The following ACOXL variants were observed in gnomAD, a reference collection of about 807,000 sequenced individuals.
ACOXL encodes acyl-coenzyme A oxidase-like protein.
ACOXL carries 70 observed loss-of-function variants against 71.9 expected under a neutral mutation model. The observed-to-expected ratio is 0.97, with a 90% CI of 0.80 to 1.19. ACOXL has a LOEUF of 1.19. ACOXL is among the 50% of genes most tolerant of loss of function. The probability of loss-of-function intolerance (pLI) is 0.00; values close to 1 mark genes in which losing one functional copy is unlikely to be tolerated. For missense variants in ACOXL, 703 were observed against 736.3 expected (o/e 0.95, Z 0.52); for synonymous variants, 253 against 281.6 (o/e 0.90, Z 1.02).
chr2:110,969,005 C>G (rs1368412003), intron 12 of ACOXL, among the ~76,000 whole-genome samples: 2 of 151,990 alleles, frequency 1.3e-5, no homozygotes, highest in Non-Finnish European at 2.9e-5. Context: ...AATGAGAAAT[C>G]AAGAGCAGAA....
At chr2:110,800,938 C>G (rs899561978) in intron 7 of ACOXL, among the ~76,000 whole-genome samples, 6 of 152,154 alleles carry the variant, frequency 3.9e-5, no homozygotes, top group African/African-American at 1.4e-4. Context: ...TGCTCTGGTG[C>G]CCTTGTAAGC....
intron 10 of ACOXL, among the ~76,000 whole-genome samples, chr2:110,890,362 G>A (rs1697797211): frequency 6.6e-6 from 1 of 152,068 alleles, no homozygotes; most frequent in African/African-American, 2.4e-5. Context: ...TTTGCTTTTG[G>A]TATCATACCT....
intron 15 of ACOXL, among the ~76,000 whole-genome samples, chr2:111,033,156 A>G (rs1309354068): frequency 6.6e-6 from 1 of 152,182 alleles, no homozygotes; most frequent in Non-Finnish European, 1.5e-5. Context: ...ATTCTGACTG[A>G]GTTCCACTTT....
chr2:110,750,586 TAC>T (rs1329516389), intron 1 of ACOXL, among the ~76,000 whole-genome samples: 1 of 148,818 alleles, frequency 6.7e-6, no homozygotes. Flanking sequence ...TACATATATA[TAC>T]ATTACATATT....
intron 12 of ACOXL, among the ~76,000 whole-genome samples, chr2:110,975,150 A>G (rs1457266878): frequency 2.0e-5 from 3 of 152,228 alleles, no homozygotes; most frequent in Non-Finnish European, 4.4e-5. Context: ...TTACTATAAG[A>G]AAGCTGATTC....
chr2:111,003,579 A>AAAAAAT (rs1292631397), intron 14 of ACOXL, among the ~76,000 whole-genome samples: 47 of 146,868 alleles, frequency 3.2e-4, no homozygotes, highest in Admixed American at 1.1e-3. Context: ...AAAAAAAAAA[A>AAAAAAT]GAATCACAGA....
intron 9 of ACOXL, among the ~76,000 whole-genome samples, chr2:110,827,630 T>C (rs535730585): frequency 1.3e-5 from 2 of 152,286 alleles, no homozygotes; most frequent in South Asian, 2.1e-4. Context: ...AAGCTCTTGC[T>C]GAACTTCCTG....
intron 5 of ACOXL, among the ~76,000 whole-genome samples, chr2:110,798,258 C>CTTT (rs112847463): frequency 7.2e-6 from 1 of 137,970 alleles, no homozygotes; most frequent in African/African-American, 2.7e-5. Flanking sequence ...GTATTCATTG[C>CTTT]TTTTTTTTTT....
chr2:110,820,244 C>A (rs944741896), intron 9 of ACOXL, among the ~76,000 whole-genome samples: 1 of 151,978 alleles, frequency 6.6e-6, no homozygotes, highest in Non-Finnish European at 1.5e-5. Flanking sequence ...GTGGGAGGAA[C>A]AACAGGAGCA....
At chr2:110,882,087 C>T (rs907872026) in intron 10 of ACOXL, among the ~76,000 whole-genome samples, 12 of 152,144 alleles carry the variant, frequency 7.9e-5, no homozygotes, top group Non-Finnish European at 1.3e-4. Flanking sequence ...TTCCCGACAG[C>T]GGCGTATGAG....
At chr2:110,979,242 G>A (rs563684438) in intron 12 of ACOXL, among the ~76,000 whole-genome samples, 1 of 152,296 alleles carries the variant, frequency 6.6e-6, no homozygotes, top group East Asian at 1.9e-4. Context: ...CCATAAGAAC[G>A]CCAACCATGC....
chr2:110,836,255 A>T (rs1690450330), intron 9 of ACOXL, among the ~76,000 whole-genome samples: 1 of 152,202 alleles, frequency 6.6e-6, no homozygotes, highest in South Asian at 2.1e-4. Context: ...GAGCGGTGCT[A>T]GAAGGAGACC....
In ACOXL at chr2:110,798,711, T is replaced by C; in HGVS notation, c.447T>C (p.Asp149=). 6.2e-7 allele frequency: 1 copy of C among 1,614,060 alleles called. No individual in the cohort carries two copies. Among genetic ancestry groups the C allele is most frequent in the Non-Finnish European group, 8.5e-7 (1 of 1,179,904 alleles). ...YAAVFAQLII[D]GRSQGPHCFI... ...CTGTCTTTGCCCAGCTCATCATAGA[T>C]GGAAGATCTCAAGGTTTGTTACCAA... Residue 149 remains aspartate (D), a synonymous_variant, in exon 6 of 18, where the codon GAT becomes GAC. Transcript: ENST00000439055.
intron 12 of ACOXL, among the ~76,000 whole-genome samples, chr2:110,985,634 A>G (rs1043627206): frequency 1.8e-4 from 28 of 152,152 alleles, no homozygotes; most frequent in Admixed American, 1.4e-3. Context: ...GGGGATGGGA[A>G]AGGAGAGGCG....
chr2:110,750,055 G>A (rs1198848931), intron 1 of ACOXL, among the ~76,000 whole-genome samples: 6 of 152,162 alleles, frequency 3.9e-5, no homozygotes, highest in Admixed American at 3.9e-4. Flanking sequence ...ACATTCCATC[G>A]ACATGGCTTA....
chr2:110,748,178 C>T (rs1436465488), intron 1 of ACOXL, among the ~76,000 whole-genome samples: 1 of 152,192 alleles, frequency 6.6e-6, no homozygotes, highest in East Asian at 1.9e-4. Flanking sequence ...AGAGTCTGAG[C>T]TCTCTGAGGA....
intron 16 of ACOXL, among the ~76,000 whole-genome samples, chr2:111,061,618 T>A (rs1302111441): frequency 6.6e-6 from 1 of 152,162 alleles, no homozygotes; most frequent in Non-Finnish European, 1.5e-5. Flanking sequence ...TCCTTTTGAA[T>A]TTTCTCAATT....
intron 14 of ACOXL, 62 bp from the exon 15 acceptor site, chr2:111,031,565 C>A: frequency 6.8e-7 from 1 of 1,459,928 alleles, no homozygotes. Flanking sequence ...GTCTGTCTTG[C>A]TATTAAGTTA....
At chr2:110,868,007 C>T (rs1464553856) in intron 10 of ACOXL, among the ~76,000 whole-genome samples, 1 of 152,034 alleles carries the variant, frequency 6.6e-6, no homozygotes, top group African/African-American at 2.4e-5. Flanking sequence ...GTGATCCACC[C>T]GCCTCAGCCT....
Sources: gnomAD v4.1 joint callset for allele counts (sites outside exome capture counted in the v4.1 genomes callset) on GRCh38, gnomAD v4.1.1 for gene constraint, MANE v1.5 for transcripts, NCBI Gene and HGNC (gene_info 2026-07-23, HGNC 2026-07-21) for gene names.